ITGA2: variants seen among roughly 807,000 people sequenced by gnomAD.
The protein encoded by ITGA2 is integrin alpha-2.
A neutral mutation model predicts 146.3 loss-of-function variants in ITGA2; 101 were observed. The observed-to-expected ratio is 0.69, with a 90% CI of 0.59 to 0.81. The LOEUF is 0.81. ITGA2 is among the 40% of genes least tolerant of loss of function. The pLI, the probability that ITGA2 is intolerant of heterozygous loss-of-function variation, is 0.00. For missense variants in ITGA2, 1,281 were observed against 1,402.7 expected (o/e 0.91, Z 1.39); for synonymous variants, 477 against 487.1 (o/e 0.98, Z 0.27).
chr5:53,036,278 T>C (rs1397766678), intron 2 of ITGA2, among the ~76,000 whole-genome samples: 1 of 152,276 alleles, frequency 6.6e-6, no homozygotes, highest in Admixed American at 6.5e-5. Flanking sequence ...CAGTGTGGCC[T>C]TCAAAATTCT....
At chr5:53,028,093 G>A (rs768671490) in intron 2 of ITGA2, among the ~76,000 whole-genome samples, 19 of 151,890 alleles carry the variant, frequency 1.3e-4, no homozygotes, top group Non-Finnish European at 8.8e-5. Context: ...AAAAAAAAGA[G>A]GAAAAAACCG....
At chr5:53,011,593 A>G (rs1226246460) in intron 1 of ITGA2, among the ~76,000 whole-genome samples, 1 of 152,178 alleles carries the variant, frequency 6.6e-6, no homozygotes, top group Non-Finnish European at 1.5e-5. Context: ...CAGTTTATCA[A>G]GGATTTTTCT....
At position 53,092,722 on chromosome 5, in the gene ITGA2, T is replaced by C. The variant is rs1480069592; in HGVS notation, c.*2123T>C. The C allele has an allele frequency of 1.3e-5, 2 of 151,830 alleles. No homozygotes were observed. Among genetic ancestry groups the C allele is most frequent in the Non-Finnish European group, 2.9e-5 (2 of 67,994 alleles). 9.4% of individuals were successfully genotyped at this position (151,830 alleles called of 1,614,324 possible). A position where few individuals can be genotyped will look rare whatever the true frequency, so the allele number is the denominator to read the frequency against. Reference sequence around the variant, plus strand: ...GTGTGTACCTGAAGCTCCAGCTACTTGAGAGACTGAGACAGGAAGATCGCT... The same window carrying C: ...GTGTGTACCTGAAGCTCCAGCTACTCGAGAGACTGAGACAGGAAGATCGCT... On this transcript the variant is annotated 3_prime_UTR_variant, in exon 30 of 30. Transcript: ENST00000296585.
At chr5:53,012,291 T>C (rs1360659078) in intron 1 of ITGA2, among the ~76,000 whole-genome samples, 1 of 151,890 alleles carries the variant, frequency 6.6e-6, no homozygotes, top group Non-Finnish European at 1.5e-5. Flanking sequence ...CTAATACACA[T>C]GAGATAGATT....
intron 7 of ITGA2, among the ~76,000 whole-genome samples, chr5:53,052,818 C>G (rs1385267854): frequency 6.6e-6 from 1 of 152,086 alleles, no homozygotes; most frequent in East Asian, 1.9e-4. Context: ...TAAACAGAGC[C>G]CTCTCTTCTT....
chr5:53,007,874 C>T (rs2111729333), intron 1 of ITGA2, among the ~76,000 whole-genome samples: 1 of 152,248 alleles, frequency 6.6e-6, no homozygotes, highest in Non-Finnish European at 1.5e-5. Flanking sequence ...CACAGTACTC[C>T]AGGACTTGAT....
At chr5:53,082,924 GA>G (rs1262473587) in intron 26 of ITGA2, among the ~76,000 whole-genome samples, 2 of 152,108 alleles carry the variant, frequency 1.3e-5, no homozygotes, top group Non-Finnish European at 2.9e-5. Context: ...TAGGTTTAAT[GA>G]CAAATTGTAG....
At chr5:53,045,813 A>G (rs765436288) in intron 4 of ITGA2, among the ~76,000 whole-genome samples, 12 of 152,176 alleles carry the variant, frequency 7.9e-5, no homozygotes, top group Non-Finnish European at 1.3e-4. Context: ...ACCAAAAAAA[A>G]AGTTTGAAGA....
intron 1 of ITGA2, among the ~76,000 whole-genome samples, chr5:52,997,909 T>C (rs1184866231): frequency 6.6e-6 from 1 of 152,192 alleles, no homozygotes; most frequent in Non-Finnish European, 1.5e-5. Flanking sequence ...AGGAAAAACT[T>C]AGCCTTGGAA....
intron 2 of ITGA2, among the ~76,000 whole-genome samples, chr5:53,036,602 G>T (rs552406426): frequency 6.6e-6 from 1 of 151,978 alleles, no homozygotes; most frequent in Non-Finnish European, 1.5e-5. Flanking sequence ...TGACCATTCC[G>T]ATGAAGATTA....
Position 53,083,452 on chromosome 5 carries a change from CAGTA to C in ITGA2, c.3258+4_3258+7del. On this transcript the variant is annotated splice_donor_variant and splice_donor_region_variant and coding_sequence_variant and intron_variant, in exon 27 of 30. Transcript: ENST00000296585. LOFTEE classifies it high-confidence loss of function. ...AGAATTTGGAACGGGACTTTCGCAT[CAGTA>C]AGTATCAGTTTTATTTGTTAGATTT... The C allele has an allele frequency of 5.4e-6, 8 of 1,474,708 alleles. 1 individual carries two copies. In the Middle Eastern group the frequency reaches 5.2e-4, roughly 95 times the overall value. 91.4% of individuals were successfully genotyped at this position (1,474,708 alleles called of 1,614,324 possible).
intron 23 of ITGA2, 135 bp from the exon 24 acceptor site, chr5:53,078,631 ATTTCTT>A: frequency 1.5e-6 from 1 of 645,302 alleles, no homozygotes; most frequent in East Asian, 2.8e-5. Context: ...ATAGGCAAGC[ATTTCTT>A]TTTATTTGGT....
At chr5:53,038,968 C>A (rs1206205290) in intron 2 of ITGA2, among the ~76,000 whole-genome samples, 1 of 152,124 alleles carries the variant, frequency 6.6e-6, no homozygotes, top group Non-Finnish European at 1.5e-5. Flanking sequence ...TGGTACATGT[C>A]TATAATCCCA....
chr5:52,990,117 C>T (rs2111637613), intron 1 of ITGA2: 1 of 155,790 alleles, frequency 6.4e-6, no homozygotes, highest in Middle Eastern at 3.4e-3. Flanking sequence ...TGTTTCTTCC[C>T]GGGGGGACTT....
At chr5:53,053,554 G>A (rs958829141) in intron 7 of ITGA2, among the ~76,000 whole-genome samples, 28 of 152,116 alleles carry the variant, frequency 1.8e-4, no homozygotes, top group African/African-American at 6.0e-4. Flanking sequence ...GGGCCCTGGC[G>A]AGCTTTGTTC....
At chr5:53,046,846 G>A (rs979015549) in intron 4 of ITGA2, among the ~76,000 whole-genome samples, 1 of 152,024 alleles carries the variant, frequency 6.6e-6, no homozygotes. Context: ...CTTAAAGTAG[G>A]AATGTAGTTC....
Position 53,075,284 on chromosome 5 carries a change from T to A in ITGA2, c.2805T>A (p.Asp935Glu). Residue 935 changes from aspartate to glutamate, a missense_variant, in exon 23 of 30, where the codon GAT (aspartate) becomes GAA (glutamate). Asp to Glu is a conservative substitution (Grantham distance 45). Coordinates refer to ENST00000296585, the MANE Select transcript of ITGA2 (RefSeq NM_002203.4). ...LVNLKIPLLY[D>E]AEIHLTRSTN... Reference sequence around the variant, plus strand: ...ACCTCAAAATTCCTCTCCTGTATGATGCTGAAATTCACTTAACAAGGTAGG... The same window carrying A: ...ACCTCAAAATTCCTCTCCTGTATGAAGCTGAAATTCACTTAACAAGGTAGG... 6.2e-7 allele frequency: 1 copy of A among 1,612,684 alleles called. No individual in the cohort carries two copies. The highest frequency in any genetic ancestry group is 8.5e-7 in the Non-Finnish European group (1 of 1,179,266).
intron 2 of ITGA2, among the ~76,000 whole-genome samples, chr5:53,038,760 A>T (rs528406054): frequency 6.6e-6 from 1 of 152,294 alleles, no homozygotes; most frequent in Admixed American, 6.5e-5. Flanking sequence ...TGTCTCAGTG[A>T]TTCCATCTGT....
Position 53,070,165 on chromosome 5 carries a change from AG to A in ITGA2, c.2145del (p.Leu716TyrfsTer15). The A allele has an allele frequency of 6.2e-7, 1 of 1,611,626 alleles. No individual in the cohort carries two copies. The highest frequency in any genetic ancestry group is 8.5e-7 in the Non-Finnish European group (1 of 1,178,368). ...ADGFSSRVTS[R>X]GLFKENNERC... ...TGGATTTTCATCCAGAGTAACCTCC[AG>A]GGGGTTATTTAAAGAAAACAATGAA... On this transcript the variant is annotated frameshift_variant, in exon 17 of 30. Coordinates refer to ENST00000296585, the MANE Select transcript of ITGA2 (RefSeq NM_002203.4). LOFTEE classifies it high-confidence loss of function.
Sources: gnomAD v4.1 joint callset for allele counts (sites outside exome capture counted in the v4.1 genomes callset) on GRCh38, gnomAD v4.1.1 for gene constraint, MANE v1.5 for transcripts, NCBI Gene and HGNC (gene_info 2026-07-23, HGNC 2026-07-21) for gene names.